The following SH3BP4 variants were observed in gnomAD, a reference collection of about 807,000 sequenced individuals.
SH3BP4 encodes the protein SH3 domain binding protein 4, also known as SH3 domain-binding protein 4.
SH3BP4 carries 33 observed loss-of-function variants against 65.5 expected under a neutral mutation model. That is an observed-to-expected ratio of 0.50 (90% CI 0.38 to 0.67). The LOEUF (loss-of-function observed/expected upper bound fraction) is 0.67. Ranked by LOEUF, SH3BP4 falls within the 30% of genes least tolerant of loss-of-function variation. SH3BP4 has a pLI of 0.00. For missense variants in SH3BP4, 1,134 were observed against 1,261.4 expected, an observed-to-expected ratio of 0.90 and a Z score of 1.53; for synonymous variants, 552 against 545.5, an observed-to-expected ratio of 1.01 and a Z score of -0.17.
At position 235,042,080 on chromosome 2, in the gene SH3BP4, G is replaced by T; in HGVS notation, c.1311G>T (p.Thr437=). The change falls in exon 4 of 6, where the codon ACG becomes ACT. Residue 437 remains threonine (T), a synonymous_variant. Transcript: ENST00000392011. The surrounding 1 kb of genome is among the most constrained non-coding windows in gnomAD (Gnocchi z 7.3). ...CGCTCAACTGCAGCTGTGGGGACAC[G>T]GTCCAGGCACAGCTGCACAACCTGG... ...SVPLNCSCGD[T]VQAQLHNLEP... is the part of the protein sequence containing the mutation. 2 of 1,613,934 alleles carry T rather than the reference G, an allele frequency of 1.2e-6. No individual in the cohort carries two copies. The highest frequency in any genetic ancestry group is 1.7e-6 in the Non-Finnish European group (2 of 1,180,004).
rs1695302774 is a variant in SH3BP4, at chr2:235,034,377, T to C, written c.-132-494T>C. Among the ~76,000 whole-genome samples the C allele has an allele frequency of 6.6e-6, 1 of 152,152 alleles. No homozygotes were observed. Among genetic ancestry groups the C allele is most frequent in the African/African-American group, 2.4e-5 (1 of 41,440 alleles). On this transcript the variant is annotated intron_variant, in intron 2 of 5. Coordinates refer to ENST00000392011, the MANE Select transcript of SH3BP4 (RefSeq NM_014521.3). The surrounding 1 kb of genome is among the most constrained non-coding windows in gnomAD (Gnocchi z 6.2). ...GCGGATTGGGTAGGGAGCATCACCC[T>C]TGGGGCCTCTGCTGGGCTGTGTTCA...
intron 2 of SH3BP4, among the ~76,000 whole-genome samples, chr2:234,999,387 T>C (rs1317090898): frequency 1.3e-5 from 2 of 152,184 alleles, no homozygotes; most frequent in Non-Finnish European, 2.9e-5. Context: ...TGAAATCTGC[T>C]CCCATTTTGA....
chr2:235,039,113 T>A (rs775321571), intron 3 of SH3BP4, among the ~76,000 whole-genome samples: 17 of 152,098 alleles, frequency 1.1e-4, no homozygotes, highest in Non-Finnish European at 1.9e-4. Flanking sequence ...TTCTAAGGGC[T>A]CCACTCGAGT....
chr2:234,972,199 T>C (rs1693023163), intron 1 of SH3BP4, among the ~76,000 whole-genome samples: 1 of 151,210 alleles, frequency 6.6e-6, no homozygotes, highest in African/African-American at 2.4e-5. Context: ...TGGCGCCATC[T>C]TGGCTCACTG....
chr2:234,989,537 G>A (rs1360830755), intron 1 of SH3BP4, among the ~76,000 whole-genome samples: 1 of 152,168 alleles, frequency 6.6e-6, no homozygotes, highest in African/African-American at 2.4e-5. Flanking sequence ...AGTAGGAAGG[G>A]TAGAGAACAG....
At chr2:234,975,742 G>T (rs1209376884) in intron 1 of SH3BP4, among the ~76,000 whole-genome samples, 1 of 152,068 alleles carries the variant, frequency 6.6e-6, no homozygotes, top group Admixed American at 6.5e-5. Context: ...TGGGCATGGT[G>T]GTGCATGCCT....
At chr2:235,017,820 T>A (rs1694737436) in intron 2 of SH3BP4, among the ~76,000 whole-genome samples, 1 of 152,128 alleles carries the variant, frequency 6.6e-6, no homozygotes, top group Admixed American at 6.5e-5. Flanking sequence ...AATGAATTAT[T>A]TTAGAATGTT....
At chr2:235,036,694 G>A (rs577037288) in intron 3 of SH3BP4, among the ~76,000 whole-genome samples, 143 of 149,900 alleles carry the variant, frequency 9.5e-4, no homozygotes, top group African/African-American at 3.1e-3. Flanking sequence ...GGCAGAGGTT[G>A]CAGTGAGCCG....
chr2:235,040,338 T>C lies in SH3BP4; in HGVS notation c.119-550T>C, dbSNP rs191972609. On this transcript the variant is annotated intron_variant, in intron 3 of 5. Coordinates refer to ENST00000392011, the MANE Select transcript of SH3BP4 (RefSeq NM_014521.3). ...AGGAAACAGTTTGGTGAGGAACAGG[T>C]TGAGTTTGGAAATTTAAGAAGCAGG... Among the ~76,000 whole-genome samples, 118 of 152,098 alleles carry C rather than the reference T, an allele frequency of 7.8e-4. 1 individual carries two copies. Among genetic ancestry groups the C allele is most frequent in the African/African-American group, 2.7e-3 (112 of 41,486 alleles).
intron 3 of SH3BP4, among the ~76,000 whole-genome samples, chr2:235,040,647 GCTCCT>G (rs1242008955): frequency 6.6e-6 from 1 of 151,776 alleles, no homozygotes; most frequent in Non-Finnish European, 1.5e-5. Context: ...TGATGGAGAG[GCTCCT>G]CTGTGGTCTT....
At position 235,021,037 on chromosome 2, in the gene SH3BP4, G is replaced by A. The variant is rs73124300; in HGVS notation, c.-132-13834G>A. 3.2e-3 allele frequency among the ~76,000 whole-genome samples: 483 copies of A among 151,952 alleles called. 1 individual carries two copies. The highest frequency in any genetic ancestry group is 0.02 in the Middle Eastern group (6 of 294). ...ATTTGTATCATCTACAGCTTTTTTTGGACCACAAGGGCAGAGCTGAGTCTT... is the reference window on the plus strand; with the variant it reads ...ATTTGTATCATCTACAGCTTTTTTTAGACCACAAGGGCAGAGCTGAGTCTT... On this transcript the variant is annotated intron_variant, in intron 2 of 5. Transcript: ENST00000392011.
Position 235,033,826 on chromosome 2 carries a change from G to A in SH3BP4, c.-132-1045G>A, listed in dbSNP as rs1367555710. Among the ~76,000 whole-genome samples, 2 of 152,134 alleles carry A rather than the reference G, an allele frequency of 1.3e-5. No individual in the cohort carries two copies. The highest frequency in any genetic ancestry group is 4.8e-5 in the African/African-American group (2 of 41,408). On this transcript the variant is annotated intron_variant, in intron 2 of 5. Coordinates refer to ENST00000392011, the MANE Select transcript of SH3BP4 (RefSeq NM_014521.3). This position sits in a 1 kb window ranked among gnomAD's most constrained non-coding sequence, Gnocchi z 5.7. Reference sequence around the variant, plus strand: ...CAAAGGGTGGTGTCAGGGCCTCCGGGTCTCTGCATGGTAAAGGCAGCACAC... The same window carrying A: ...CAAAGGGTGGTGTCAGGGCCTCCGGATCTCTGCATGGTAAAGGCAGCACAC...
chr2:234,964,054 G>C (rs1382962173), intron 1 of SH3BP4, among the ~76,000 whole-genome samples: 1 of 152,210 alleles, frequency 6.6e-6, no homozygotes, highest in Non-Finnish European at 1.5e-5. Flanking sequence ...TTGCACAGGG[G>C]CCTGGCTGCC....
At position 235,030,308 on chromosome 2, in the gene SH3BP4, C is replaced by T. The variant is rs1559250595; in HGVS notation, c.-132-4563C>T. 6.6e-6 allele frequency among the ~76,000 whole-genome samples: 1 copy of T among 152,168 alleles called. No homozygotes were observed. Among genetic ancestry groups the T allele is most frequent in the South Asian group, 2.1e-4 (1 of 4,832 alleles). On this transcript the variant is annotated intron_variant, in intron 2 of 5. Transcript: ENST00000392011. This position sits in a 1 kb window ranked among gnomAD's most constrained non-coding sequence, Gnocchi z 4.1. ...AAGAAATAGTTAGCAAGACTGGGAGCAGAGAGTGTTTTGTCAGGCTCACAT... is the reference window on the plus strand; with the variant it reads ...AAGAAATAGTTAGCAAGACTGGGAGTAGAGAGTGTTTTGTCAGGCTCACAT...
At chr2:235,038,958 T>A (rs1695546764) in intron 3 of SH3BP4, among the ~76,000 whole-genome samples, 1 of 152,192 alleles carries the variant, frequency 6.6e-6, no homozygotes, top group Admixed American at 6.5e-5. Context: ...TCACATAACA[T>A]CCTGTGTGTC....
intron 2 of SH3BP4, among the ~76,000 whole-genome samples, chr2:235,021,025 A>G (rs1361706063): frequency 6.6e-6 from 1 of 152,168 alleles, no homozygotes; most frequent in Non-Finnish European, 1.5e-5. Context: ...TGTATCATCT[A>G]CAGCTTTTTT....
At chr2:234,992,333 G>C (rs562119288) in intron 1 of SH3BP4, among the ~76,000 whole-genome samples, 264 of 152,296 alleles carry the variant, frequency 1.7e-3, no homozygotes, top group Middle Eastern at 0.01. Context: ...CGTTTTCTTC[G>C]GGGTGGCTGG....
Position 234,976,476 on chromosome 2 carries a change from G to T in SH3BP4, c.-206-18827G>T, listed in dbSNP as rs1693171012. ...AGGTCTCTCTTGCATTTTGTGGGTG[G>T]CTGCCTGCAGTTAAGCAGGGCTACC... On this transcript the variant is annotated intron_variant, in intron 1 of 5. Transcript: ENST00000392011. The surrounding 1 kb of genome is among the most constrained non-coding windows in gnomAD (Gnocchi z 4.7). Among the ~76,000 whole-genome samples, 1 of 152,130 alleles carries T rather than the reference G, an allele frequency of 6.6e-6. No homozygotes were observed. The highest frequency in any genetic ancestry group is 1.5e-5 in the Non-Finnish European group (1 of 68,026).
chr2:235,006,910 G>T (rs532789894), intron 2 of SH3BP4, among the ~76,000 whole-genome samples: 14 of 151,994 alleles, frequency 9.2e-5, no homozygotes, highest in Non-Finnish European at 1.9e-4. Flanking sequence ...AAGATTGGGG[G>T]TGCCACGCCG....
Sources: gnomAD v4.1 joint callset for allele counts (sites outside exome capture counted in the v4.1 genomes callset) on GRCh38, gnomAD v4.1.1 for gene constraint, Gnocchi (gnomAD v3.1) non-coding constraint, MANE v1.5 for transcripts, NCBI Gene and HGNC (gene_info 2026-07-23, HGNC 2026-07-21) for gene names.